The following PTER variants were observed in gnomAD, a reference collection of about 807,000 sequenced individuals.
PTER encodes phosphotriesterase related, also known as N-acetyltaurine hydrolase.
Under a neutral mutation model 29.6 loss-of-function variants are expected in PTER, and 38 were observed. That is an observed-to-expected ratio of 1.28 (90% CI 0.99 to 1.68). The LOEUF is 1.68. Ranked by LOEUF, PTER falls within the 40% of genes most tolerant of loss-of-function variation. The pLI, the probability that PTER is intolerant of heterozygous loss-of-function variation, is 0.00. For missense variants in PTER, 482 were observed against 427.8 expected, an observed-to-expected ratio of 1.13 and a Z score of -1.12; for synonymous variants, 172 against 154.5, an observed-to-expected ratio of 1.11 and a Z score of -0.84.
chr10:16,437,672 C>A (rs1833699520), intron 1 of PTER, among the ~76,000 whole-genome samples: 1 of 152,162 alleles, frequency 6.6e-6, no homozygotes, highest in Non-Finnish European at 1.5e-5. Flanking sequence ...GGTCATATGT[C>A]TGAGTCCTGT....
chr10:16,449,505 G>C lies in PTER; in HGVS notation c.-49+12458G>C, dbSNP rs114564204. ...GGGTACAGTGCAGTGGTGCAGTCTCGGCTCACTGCAACCTCCGCCTCTTTG... is the reference window on the plus strand; with the variant it reads ...GGGTACAGTGCAGTGGTGCAGTCTCCGCTCACTGCAACCTCCGCCTCTTTG... On this transcript the variant is annotated intron_variant, in intron 1 of 4. Coordinates refer to ENST00000535784, the MANE Select transcript of PTER (RefSeq NM_001261836.2). Among the ~76,000 whole-genome samples the C allele has an allele frequency of 2.2e-5, 3 of 134,282 alleles. No homozygotes were observed. The East Asian group carries it at 6.7e-4, about 30-fold the overall frequency. The allele number at this position is 134,282 out of a possible 152,430, so 88.1% of individuals were successfully genotyped here.
intron 1 of PTER, among the ~76,000 whole-genome samples, chr10:16,462,968 C>T (rs1380835238): frequency 6.7e-6 from 1 of 150,168 alleles, no homozygotes; most frequent in African/African-American, 2.4e-5. Flanking sequence ...CCGAGGAGTG[C>T]AAATCACAAG....
intron 3 of PTER, among the ~76,000 whole-genome samples, chr10:16,498,539 C>T (rs932542919): frequency 2.0e-5 from 3 of 152,158 alleles, no homozygotes; most frequent in Admixed American, 6.5e-5. Flanking sequence ...GCCAAGATCG[C>T]GCCACTGCAC....
At chr10:16,474,327 A>G (rs145641307) in intron 1 of PTER, among the ~76,000 whole-genome samples, 30 of 152,364 alleles carry the variant, frequency 2.0e-4, no homozygotes, top group African/African-American at 6.7e-4. Context: ...TCAAGAAAAG[A>G]ATGTCATCTC....
chr10:16,488,047 T>A (rs966915200), intron 3 of PTER, among the ~76,000 whole-genome samples: 8 of 152,030 alleles, frequency 5.3e-5, no homozygotes, highest in African/African-American at 1.9e-4. Flanking sequence ...TATAAACAAG[T>A]TGTAGTTATA....
At chr10:16,441,299 G>T (rs1036262553) in intron 1 of PTER, among the ~76,000 whole-genome samples, 4 of 152,194 alleles carry the variant, frequency 2.6e-5, no homozygotes, top group Admixed American at 2.0e-4. Flanking sequence ...CCCAAATGCA[G>T]TTATCAGTGG....
At chr10:16,516,702 T>A (rs1247328710), downstream of PTER, among the ~76,000 whole-genome samples, 4 of 152,202 alleles carry the variant, frequency 2.6e-5, no homozygotes, top group African/African-American at 9.6e-5. Flanking sequence ...TATAATGCCA[T>A]TTTTATTCTC....
At chr10:16,467,996 G>A (rs778965537) in intron 1 of PTER, among the ~76,000 whole-genome samples, 9 of 152,124 alleles carry the variant, frequency 5.9e-5, no homozygotes, top group African/African-American at 9.7e-5. Flanking sequence ...CCGTAAAAGG[G>A]CTGTGCTGTG....
intron 3 of PTER, among the ~76,000 whole-genome samples, chr10:16,499,587 G>A (rs911483284): frequency 1.3e-4 from 20 of 151,884 alleles, no homozygotes; most frequent in Non-Finnish European, 2.4e-4. Flanking sequence ...GACCCCGGGT[G>A]TGCACCACCC....
intron 1 of PTER, among the ~76,000 whole-genome samples, chr10:16,453,276 G>A (rs1834279416): frequency 6.6e-6 from 1 of 152,098 alleles, no homozygotes; most frequent in South Asian, 2.1e-4. Flanking sequence ...ATTATTCTTG[G>A]TTAAGTTGGC....
chr10:16,473,536 A>AAAAAAC (rs1564395733), intron 1 of PTER, among the ~76,000 whole-genome samples: 1 of 150,748 alleles, frequency 6.6e-6, no homozygotes, highest in Non-Finnish European at 1.5e-5. Flanking sequence ...AAAAAAAAAA[A>AAAAAAC]AAAAAAAAAA....
chr10:16,458,253 A>T (rs1467566680), intron 1 of PTER, among the ~76,000 whole-genome samples: 1 of 152,160 alleles, frequency 6.6e-6, no homozygotes, highest in Admixed American at 6.5e-5. Context: ...TCATATCACA[A>T]CTTGGCTCCA....
chr10:16,503,763 C>T (rs1836454750), intron 3 of PTER, among the ~76,000 whole-genome samples: 1 of 152,200 alleles, frequency 6.6e-6, no homozygotes, highest in South Asian at 2.1e-4. Context: ...TGGTCTGGAA[C>T]ACCTGACCTC....
chr10:16,464,169 T>C (rs1399084136), intron 1 of PTER, among the ~76,000 whole-genome samples: 1 of 152,180 alleles, frequency 6.6e-6, no homozygotes, highest in Non-Finnish European at 1.5e-5. Context: ...ACCAGCAATA[T>C]AGAAAGCTGA....
At chr10:16,440,066 G>A (rs1402111999) in intron 1 of PTER, among the ~76,000 whole-genome samples, 9 of 89,044 alleles carry the variant, frequency 1.0e-4, no homozygotes, top group East Asian at 4.8e-4. Context: ...TTCCTAACAA[G>A]ATTTTTTTTT....
At position 16,511,103 on chromosome 10, in the gene PTER, A is replaced by G. The variant is rs750511361; in HGVS notation, c.897A>G (p.Ile299Met). 2.4e-5 allele frequency: 38 copies of G among 1,614,106 alleles called. No individual in the cohort carries two copies. In the Middle Eastern group the frequency reaches 8.2e-4, roughly 35 times the overall value. The part of the protein sequence containing the change: ...CEDRILVAHD[I>M]HTKTRLMKYG... ...ATCGAATTCTGGTAGCACATGACAT[A>G]CATACGAAAACCCGGCTGATGAAAT... Residue 299 changes from isoleucine (I) to methionine (M), a missense_variant, in exon 5 of 5, where the codon ATA (isoleucine) becomes ATG (methionine). Transcript: ENST00000535784.
At chr10:16,494,974 T>A (rs1007358468) in intron 3 of PTER, among the ~76,000 whole-genome samples, 14 of 152,152 alleles carry the variant, frequency 9.2e-5, no homozygotes, top group African/African-American at 3.4e-4. Context: ...TTGCTTTTTT[T>A]AAATATTGCA....
chr10:16,491,022 TAAAC>T (rs1242208179), intron 3 of PTER, among the ~76,000 whole-genome samples: 1 of 152,068 alleles, frequency 6.6e-6, no homozygotes. Flanking sequence ...TTTTTTCTGT[TAAAC>T]AATAAAGATA....
At chr10:16,473,519 G>GAAACAAAAA (rs1835133560) in intron 1 of PTER, among the ~76,000 whole-genome samples, 1 of 28,156 alleles carries the variant, frequency 3.6e-5, no homozygotes, top group Non-Finnish European at 6.0e-5. Flanking sequence ...GACTCCATCC[G>GAAACAAAAA]AAAAAAAAAA....
Sources: gnomAD v4.1 joint callset for allele counts (sites outside exome capture counted in the v4.1 genomes callset) on GRCh38, gnomAD v4.1.1 for gene constraint, MANE v1.5 for transcripts, NCBI Gene and HGNC (gene_info 2026-07-23, HGNC 2026-07-21) for gene names.